ZBTB8B: variants seen among roughly 807,000 people sequenced by gnomAD.
ZBTB8B encodes zinc finger and BTB domain containing 8B.
In ZBTB8B, 17 loss-of-function variants were observed where a neutral mutation model predicts 30.3. That is an observed-to-expected ratio of 0.56 (90% CI 0.38 to 0.84). ZBTB8B has a LOEUF of 0.84. ZBTB8B is among the 40% of genes least tolerant of loss of function. The probability of loss-of-function intolerance (pLI) is 0.00; values close to 1 mark genes in which losing one functional copy is unlikely to be tolerated. For synonymous variants in ZBTB8B, 248 were observed against 255.6 expected (o/e 0.97, Z 0.28); for missense variants, 515 against 644.9 (o/e 0.80, Z 2.18).
In ZBTB8B at chr1:32,465,579, G is replaced by A. The variant is rs1281884931; in HGVS notation, c.-42+474G>A. Reference sequence around the variant, plus strand: ...CTGGACGGGGGAGGGTCTGTCTTGCGAGCAGTTTAGATGCAGTTGACCCTG... The same window carrying A: ...CTGGACGGGGGAGGGTCTGTCTTGCAAGCAGTTTAGATGCAGTTGACCCTG... On this transcript the variant is annotated intron_variant, in intron 1 of 3. Transcript: ENST00000609129. This position sits in a 1 kb window ranked among gnomAD's most constrained non-coding sequence, Gnocchi z 4.1. Among the ~76,000 whole-genome samples, 1 of 152,222 alleles carries A rather than the reference G, an allele frequency of 6.6e-6. No homozygotes were observed. The highest frequency in any genetic ancestry group is 1.5e-5 in the Non-Finnish European group (1 of 68,036).
intron 2 of ZBTB8B, among the ~76,000 whole-genome samples, chr1:32,473,123 T>C (rs1643636442): frequency 6.6e-6 from 1 of 152,210 alleles, no homozygotes; most frequent in African/African-American, 2.4e-5. Flanking sequence ...GGCTGCCAAC[T>C]TACTGATGAA....
chr1:32,473,791 G>A (rs1408641352), intron 2 of ZBTB8B, among the ~76,000 whole-genome samples: 1 of 151,988 alleles, frequency 6.6e-6, no homozygotes, highest in African/African-American at 2.4e-5. Context: ...AAAGTGCCAG[G>A]ATTACAGGTG....
At chr1:32,470,530 A>AAG in intron 1 of ZBTB8B, 54 bp from the exon 2 acceptor site, 1 of 1,044,472 alleles carries the variant, frequency 9.6e-7, no homozygotes, top group Non-Finnish European at 1.3e-6. Context: ...AAAAAAAGAA[A>AAG]TCTTGTTTGT....
rs1228973885 is a variant in ZBTB8B, at chr1:32,465,184, A to C, written c.-42+79A>C. On this transcript the variant is annotated intron_variant, in intron 1 of 3. Transcript: ENST00000609129. The surrounding 1 kb of genome is among the most constrained non-coding windows in gnomAD (Gnocchi z 4.1). ...TCCTAGCACCCGGGAGGCTGGCTGG[A>C]GATTGGGGTTAGCGGGCAGGGTTGC... 1 of 152,248 alleles carries C rather than the reference A, an allele frequency of 6.6e-6. No homozygotes were observed. Among genetic ancestry groups the C allele is most frequent in the Non-Finnish European group, 1.5e-5 (1 of 68,116 alleles). The allele number at this position is 152,248 out of a possible 1,614,324, so 9.4% of individuals were successfully genotyped here.
At chr1:32,470,524 AAAG>A (rs375119550) in intron 1 of ZBTB8B, 57 bp from the exon 2 acceptor site, 12 of 1,167,736 alleles carry the variant, frequency 1.0e-5, no homozygotes, top group South Asian at 9.0e-5. Flanking sequence ...AAAAAAAAAA[AAAG>A]AAATCTTGTT....
chr1:32,472,919 C>T (rs1643635454), intron 2 of ZBTB8B, among the ~76,000 whole-genome samples: 1 of 152,226 alleles, frequency 6.6e-6, no homozygotes, highest in African/African-American at 2.4e-5. Context: ...GCCCGGCTGA[C>T]TTGAGACTAT....
At chr1:32,478,954 G>T (rs948746496) in intron 2 of ZBTB8B, among the ~76,000 whole-genome samples, 1 of 152,186 alleles carries the variant, frequency 6.6e-6, no homozygotes, top group African/African-American at 2.4e-5. Flanking sequence ...CTTACTATGT[G>T]CCACGTGCTA....
chr1:32,465,420 C>A lies in ZBTB8B; in HGVS notation c.-42+315C>A, dbSNP rs1643563878. Among the ~76,000 whole-genome samples, 1 of 152,224 alleles carries A rather than the reference C, an allele frequency of 6.6e-6. No individual in the cohort carries two copies. The highest frequency in any genetic ancestry group is 2.1e-4 in the South Asian group (1 of 4,836). On this transcript the variant is annotated intron_variant, in intron 1 of 3. Transcript: ENST00000609129. The surrounding 1 kb of genome is among the most constrained non-coding windows in gnomAD (Gnocchi z 4.1). Reference sequence around the variant, plus strand: ...CCCAGGCGTGGGGGGCTCGGCCACACTGGAGAAGTGCCAGCGGCAGCGATG... The same window carrying A: ...CCCAGGCGTGGGGGGCTCGGCCACAATGGAGAAGTGCCAGCGGCAGCGATG...
At position 32,470,622 on chromosome 1, in the gene ZBTB8B, G is replaced by T; in HGVS notation, c.-3G>T. On this transcript the variant is annotated 5_prime_UTR_variant, in exon 2 of 4. Transcript: ENST00000609129. ...CTCTGGAGCAGCAGCAGCTGGCGGAGCAATGGAGATGCAATCCTATTATGC... is the reference window on the plus strand; with the variant it reads ...CTCTGGAGCAGCAGCAGCTGGCGGATCAATGGAGATGCAATCCTATTATGC... The T allele has an allele frequency of 6.5e-7, 1 of 1,547,094 alleles. No homozygotes were observed. Among genetic ancestry groups the T allele is most frequent in the Non-Finnish European group, 8.7e-7 (1 of 1,143,582 alleles).
chr1:32,475,046 TTGTGG>T (rs1414207993), intron 2 of ZBTB8B, among the ~76,000 whole-genome samples: 1 of 152,252 alleles, frequency 6.6e-6, no homozygotes, highest in Non-Finnish European at 1.5e-5. Context: ...CTATAAGGTG[TTGTGG>T]TGTGGCAAGG....
intron 1 of ZBTB8B, among the ~76,000 whole-genome samples, chr1:32,469,051 G>A (rs1399227993): frequency 2.6e-5 from 4 of 151,510 alleles, no homozygotes; most frequent in African/African-American, 9.7e-5. Flanking sequence ...TTTTTAATTG[G>A]CCAGGCGCAG....
rs540615992 is a variant in ZBTB8B, at chr1:32,486,784, T to C, written c.*1366T>C. 6.6e-6 allele frequency: 1 copy of C among 152,330 alleles called. No homozygotes were observed. Among genetic ancestry groups the C allele is most frequent in the East Asian group, 1.9e-4 (1 of 5,184 alleles). The allele number at this position is 152,330 out of a possible 1,614,324, so 9.4% of individuals were successfully genotyped here. On this transcript the variant is annotated 3_prime_UTR_variant, in exon 4 of 4. Coordinates refer to ENST00000609129, the MANE Select transcript of ZBTB8B (RefSeq NM_001145720.2). The stretch of plus-strand genomic sequence containing the variant: ...AGTTGAGTCCTGCCTTCTACCTCCT[T>C]GCCTAGAACTTTAATTGGAGGGAAA...
rs1331000003 is a variant in ZBTB8B, at chr1:32,465,887, T to C, written c.-42+782T>C. On this transcript the variant is annotated intron_variant, in intron 1 of 3. Coordinates refer to ENST00000609129, the MANE Select transcript of ZBTB8B (RefSeq NM_001145720.2). The surrounding 1 kb of genome is among the most constrained non-coding windows in gnomAD (Gnocchi z 4.1). ...TGGATTATTGTGAGGTGAAAACTAATGTGCTTGTAAAAGCCAGGCATGGTG... is the reference window on the plus strand; with the variant it reads ...TGGATTATTGTGAGGTGAAAACTAACGTGCTTGTAAAAGCCAGGCATGGTG... 6.6e-6 allele frequency among the ~76,000 whole-genome samples: 1 copy of C among 152,104 alleles called. No homozygotes were observed. Among genetic ancestry groups the C allele is most frequent in the Non-Finnish European group, 1.5e-5 (1 of 68,024 alleles).
intron 3 of ZBTB8B, among the ~76,000 whole-genome samples, chr1:32,482,322 T>C (rs934300237): frequency 1.3e-5 from 2 of 151,648 alleles, no homozygotes; most frequent in African/African-American, 4.8e-5. Flanking sequence ...AGCAAGACAA[T>C]CAGTGTTTGG....
In ZBTB8B at chr1:32,492,404, GCGATTCTC is replaced by G. The variant is rs1643785424; in HGVS notation, c.*6988_*6995del. On this transcript the variant is annotated 3_prime_UTR_variant, in exon 4 of 4. Transcript: ENST00000609129. ...CACAACCTCCGCCTCCTGGATTGAA[GCGATTCTC>G]CTGTCTCAGCCTCCTGAGTAGCTGG... The G allele has an allele frequency of 6.6e-6, 1 of 151,454 alleles. No individual in the cohort carries two copies. The highest frequency in any genetic ancestry group is 1.9e-4 in the East Asian group (1 of 5,150). 9.4% of individuals were successfully genotyped at this position (151,454 alleles called of 1,614,324 possible). A position where few individuals can be genotyped will look rare whatever the true frequency, so the allele number is the denominator to read the frequency against.
chr1:32,473,062 A>G (rs1290357024), intron 2 of ZBTB8B, among the ~76,000 whole-genome samples: 1 of 152,268 alleles, frequency 6.6e-6, no homozygotes, highest in Non-Finnish European at 1.5e-5. Flanking sequence ...TCCTCTTAAC[A>G]GGTGAGGTAA....
At chr1:32,470,044 G>T (rs905367936) in intron 1 of ZBTB8B, among the ~76,000 whole-genome samples, 5 of 151,934 alleles carry the variant, frequency 3.3e-5, no homozygotes, top group African/African-American at 7.3e-5. Flanking sequence ...GCTAAGTTTT[G>T]TATTTTTAGC....
chr1:32,469,569 T>C (rs1643600301), intron 1 of ZBTB8B, among the ~76,000 whole-genome samples: 1 of 152,056 alleles, frequency 6.6e-6, no homozygotes, highest in Non-Finnish European at 1.5e-5. Context: ...GTATAATTCT[T>C]AGATGTGGAT....
intron 1 of ZBTB8B, 105 bp from the exon 2 acceptor site, chr1:32,470,479 A>C (rs1322147611): frequency 8.6e-7 from 1 of 1,163,726 alleles, no homozygotes; most frequent in Non-Finnish European, 1.2e-6. Flanking sequence ...CAGCCTGGGC[A>C]ACAGAGCAAG....
Sources: allele counts gnomAD v4.1 joint callset (sites outside exome capture counted in the v4.1 genomes callset), GRCh38; gene constraint gnomAD v4.1.1; non-coding constraint Gnocchi (gnomAD v3.1); transcripts MANE v1.5; gene names NCBI Gene and HGNC (gene_info 2026-07-23, HGNC 2026-07-21).